CADPS2: variants seen among roughly 807,000 people sequenced by gnomAD.
The protein encoded by CADPS2 is calcium-dependent secretion activator 2.
In CADPS2, 93 loss-of-function variants were observed where a neutral mutation model predicts 172.5. The observed-to-expected ratio is 0.54, with a 90% CI of 0.46 to 0.64. The LOEUF (loss-of-function observed/expected upper bound fraction) is 0.64, where lower values mean the gene tolerates loss of function less well. Among genes scored for constraint, CADPS2 ranks in the 30% least tolerant of loss-of-function variants. The pLI, the probability that CADPS2 is intolerant of heterozygous loss-of-function variation, is 0.00. For synonymous variants in CADPS2, 546 were observed against 555.2 expected (o/e 0.98, Z 0.23); for missense variants, 1,420 against 1,565.9 (o/e 0.91, Z 1.57).
At chr7:122,547,141 A>G (rs740813) in intron 8 of CADPS2, among the ~76,000 whole-genome samples, 30,743 of 151,728 alleles carry the variant, frequency 0.2, 3,316 homozygotes, top group East Asian at 0.35. Flanking sequence ...AAATTAAAAC[A>G]TATTAACCCT....
chr7:122,860,594 A>T (rs117703576), intron 1 of CADPS2, among the ~76,000 whole-genome samples: 4 of 152,182 alleles, frequency 2.6e-5, no homozygotes, highest in African/African-American at 9.7e-5. Flanking sequence ...AAGGATAAAG[A>T]ACATTAAAAC....
chr7:122,818,518 T>A (rs1018107543), intron 1 of CADPS2, among the ~76,000 whole-genome samples: 1 of 152,098 alleles, frequency 6.6e-6, no homozygotes, highest in African/African-American at 2.4e-5. Flanking sequence ...GTCCCCTCAG[T>A]ACCAACCCCA....
At chr7:122,541,426 G>A (rs2062931514) in intron 8 of CADPS2, among the ~76,000 whole-genome samples, 1 of 140,440 alleles carries the variant, frequency 7.1e-6, no homozygotes, top group African/African-American at 2.6e-5. Context: ...GGCTGGTCTT[G>A]AACTCCTGGC....
In CADPS2 at chr7:122,736,936, C is replaced by T. The variant is rs1406871285; in HGVS notation, c.453+19G>A. On this transcript the variant is annotated intron_variant, in intron 2 of 29. Coordinates refer to ENST00000449022, the MANE Select transcript of CADPS2 (RefSeq NM_017954.11). ...TTAAAATGCATCGGAAAGCCAAAAA[C>T]AAAGCTCTTCAAACTTACCTCATAA... The T allele has an allele frequency of 2.3e-6, 3 of 1,301,932 alleles. No homozygotes were observed. Among genetic ancestry groups the T allele is most frequent in the African/African-American group, 1.5e-5 (1 of 67,892 alleles). The allele number at this position is 1,301,932 out of a possible 1,614,324, so 80.6% of individuals were successfully genotyped here.
At chr7:122,704,313 C>T (rs1182408032) in intron 2 of CADPS2, among the ~76,000 whole-genome samples, 4 of 151,402 alleles carry the variant, frequency 2.6e-5, no homozygotes, top group Non-Finnish European at 5.9e-5. Flanking sequence ...TCTGTTGAAG[C>T]ATGATTCAGG....
chr7:122,425,820 C>T (rs1023792930), intron 17 of CADPS2: 2 of 151,986 alleles, frequency 1.3e-5, no homozygotes, highest in East Asian at 1.9e-4. Flanking sequence ...AGTATCATGC[C>T]TATTCCTTCC....
intron 2 of CADPS2, among the ~76,000 whole-genome samples, chr7:122,712,939 C>G (rs2088992928): frequency 6.6e-6 from 1 of 152,004 alleles, no homozygotes; most frequent in African/African-American, 2.4e-5. Flanking sequence ...CCTCCTAATA[C>G]CATCACCTTG....
In CADPS2 at chr7:122,853,421, G is replaced by A. The variant is rs1814253916; in HGVS notation, c.339+32578C>T. 2.0e-5 allele frequency among the ~76,000 whole-genome samples: 3 copies of A among 152,288 alleles called. No individual in the cohort carries two copies. In the South Asian group the frequency reaches 6.2e-4, roughly 32 times the overall value. On this transcript the variant is annotated intron_variant, in intron 1 of 29. Coordinates refer to ENST00000449022, the MANE Select transcript of CADPS2 (RefSeq NM_017954.11). ...TGTGCTGTAGCTGAGTTCGCACCAG[G>A]CAGCTCCCTTGTTGGCTCTGATAAC...
intron 1 of CADPS2, among the ~76,000 whole-genome samples, chr7:122,785,344 G>T (rs1793767489): frequency 6.6e-6 from 1 of 152,182 alleles, no homozygotes. Context: ...GGAGGCTAAA[G>T]TCTGATTGTT....
intron 2 of CADPS2, among the ~76,000 whole-genome samples, chr7:122,709,347 C>G (rs2088242010): frequency 6.6e-6 from 1 of 152,006 alleles, no homozygotes; most frequent in Admixed American, 6.6e-5. Flanking sequence ...CAAATCAAAA[C>G]CACAATGAGA....
Position 122,850,496 on chromosome 7 carries a change from C to T in CADPS2, c.339+35503G>A, listed in dbSNP as rs1450428157. ...AGATGTCTTCCTTGTGGCAGGGGGG[C>T]GGGGAGCACATTTTATTCTTTTATT... is the stretch of plus-strand genomic sequence containing the variant. On this transcript the variant is annotated intron_variant, in intron 1 of 29. Coordinates refer to ENST00000449022, the MANE Select transcript of CADPS2 (RefSeq NM_017954.11). 1.1e-4 allele frequency: 24 copies of T among 220,996 alleles called. No homozygotes were observed. In the East Asian group the frequency reaches 1.2e-3, roughly 11 times the overall value. 13.7% of individuals were successfully genotyped at this position (220,996 alleles called of 1,614,324 possible). A position where few individuals can be genotyped will look rare whatever the true frequency, so the allele number is the denominator to read the frequency against.
At chr7:122,411,163 T>C (rs574006621) in intron 19 of CADPS2, among the ~76,000 whole-genome samples, 1 of 152,244 alleles carries the variant, frequency 6.6e-6, no homozygotes, top group Admixed American at 6.5e-5. Flanking sequence ...ATCTTTTGAT[T>C]TATGGCTTGA....
At position 122,541,878 on chromosome 7, in the gene CADPS2, T is replaced by TATATATTC. The variant is rs1563649639; in HGVS notation, c.1475+12671_1475+12672insGAATATAT. Among the ~76,000 whole-genome samples the TATATATTC allele has an allele frequency of 8.0e-3, 1,040 of 130,454 alleles. 12 individuals are homozygous for TATATATTC. The highest frequency in any genetic ancestry group is 0.027 in the African/African-American group (981 of 36,266). 85.6% of individuals were successfully genotyped at this position (130,454 alleles called of 152,430 possible). A position where few individuals can be genotyped will look rare whatever the true frequency, so the allele number is the denominator to read the frequency against. On this transcript the variant is annotated intron_variant, in intron 8 of 29. Coordinates refer to ENST00000449022, the MANE Select transcript of CADPS2 (RefSeq NM_017954.11). ...ATATTTATATATATGCATATATATT[T>TATATATTC]ATATATATTCATATATATTTATATA...
At chr7:122,725,083 G>A (rs1334899555) in intron 2 of CADPS2, among the ~76,000 whole-genome samples, 2 of 152,036 alleles carry the variant, frequency 1.3e-5, no homozygotes, top group African/African-American at 2.4e-5. Context: ...CATATTTTGA[G>A]AGAGCTGCAG....
intron 3 of CADPS2, among the ~76,000 whole-genome samples, chr7:122,652,542 A>C (rs2079275574): frequency 6.6e-6 from 1 of 152,198 alleles, no homozygotes; most frequent in African/African-American, 2.4e-5. Flanking sequence ...TTCCAAAATT[A>C]AACTTTCCAC....
chr7:122,827,904 C>T (rs1805408648), intron 1 of CADPS2, among the ~76,000 whole-genome samples: 1 of 152,134 alleles, frequency 6.6e-6, no homozygotes, highest in Non-Finnish European at 1.5e-5. Context: ...TTTATTTCAG[C>T]AAGGCAGGTT....
At chr7:122,773,219 T>A (rs1463940351) in intron 1 of CADPS2, among the ~76,000 whole-genome samples, 1 of 152,042 alleles carries the variant, frequency 6.6e-6, no homozygotes, top group African/African-American at 2.4e-5. Context: ...GACACGGTGA[T>A]ATGGAAACGT....
At chr7:122,339,843 C>T (rs1487657185) in intron 28 of CADPS2, among the ~76,000 whole-genome samples, 3 of 152,160 alleles carry the variant, frequency 2.0e-5, no homozygotes, top group African/African-American at 7.2e-5. Flanking sequence ...CGAGATTCCA[C>T]CATTGCACTC....
At position 122,777,625 on chromosome 7, in the gene CADPS2, C is replaced by T. The variant is rs536034136; in HGVS notation, c.340-40557G>A. ...GTAAGTGAATCATGGAGGTGGTTAC[C>T]TCCATGCTATTCTCATGATAGTGAG... On this transcript the variant is annotated intron_variant, in intron 1 of 29. Transcript: ENST00000449022. 1.4e-4 allele frequency among the ~76,000 whole-genome samples: 22 copies of T among 152,140 alleles called. No homozygotes were observed. The South Asian group carries it at 4.6e-3, about 32-fold the overall frequency.
Sources: gnomAD v4.1 joint callset for allele counts (sites outside exome capture counted in the v4.1 genomes callset) on GRCh38, gnomAD v4.1.1 for gene constraint, MANE v1.5 for transcripts, NCBI Gene and HGNC (gene_info 2026-07-23, HGNC 2026-07-21) for gene names.